The following STAB2 variants were observed in gnomAD, a reference collection of about 807,000 sequenced individuals.
The protein encoded by STAB2 is stabilin 2, also known as stabilin-2.
In STAB2, 288 loss-of-function variants were observed where a neutral mutation model predicts 338.1. The ratio of observed to expected loss-of-function variants is 0.85; its 90% confidence interval spans 0.77 to 0.94. The LOEUF (loss-of-function observed/expected upper bound fraction) is 0.94, where lower values mean the gene tolerates loss of function less well. Ranked by LOEUF, STAB2 falls within the 40% of genes least tolerant of loss-of-function variation. The pLI, the probability that STAB2 is intolerant of heterozygous loss-of-function variation, is 0.00. For missense variants in STAB2, 3,141 were observed against 3,210.1 expected, an observed-to-expected ratio of 0.98 and a Z score of 0.52; for synonymous variants, 1,202 against 1,193.3, an observed-to-expected ratio of 1.01 and a Z score of -0.15.
intron 2 of STAB2, 86 bp from the exon 3 acceptor site, chr12:103,594,309 C>A (rs1418137529): frequency 8.0e-6 from 8 of 1,001,314 alleles, no homozygotes; most frequent in Non-Finnish European, 1.2e-5. Context: ...ATATTAAGAC[C>A]TAAATTGAAA....
chr12:103,590,099 C>T (rs928569516), intron 1 of STAB2, among the ~76,000 whole-genome samples: 13 of 152,020 alleles, frequency 8.6e-5, no homozygotes, highest in African/African-American at 2.9e-4. Flanking sequence ...AGGCATCTCT[C>T]GGGGAGGATC....
At chr12:103,637,910 A>C in intron 7 of STAB2, 106 bp from the exon 8 acceptor site, 1 of 1,163,700 alleles carries the variant, frequency 8.6e-7, no homozygotes, top group Non-Finnish European at 1.2e-6. Context: ...TGTCTTTGAA[A>C]ACTGTGAGTT....
intron 67 of STAB2, 131 bp downstream of exon 67, chr12:103,762,533 C>T (rs1358254424): frequency 2.3e-5 from 32 of 1,387,658 alleles, no homozygotes; most frequent in Admixed American, 1.8e-4. Context: ...GTAGCAGGGG[C>T]GGCCACCCAC....
chr12:103,625,723 A>C (rs996349870), intron 5 of STAB2, among the ~76,000 whole-genome samples: 1 of 152,188 alleles, frequency 6.6e-6, no homozygotes, highest in Non-Finnish European at 1.5e-5. Flanking sequence ...ATTCCATGGT[A>C]TATATGTGCC....
At chr12:103,690,398 A>G in intron 29 of STAB2, 26 bp from the exon 30 acceptor site, 2 of 1,566,520 alleles carry the variant, frequency 1.3e-6, no homozygotes, top group South Asian at 1.1e-5. Flanking sequence ...ATATTGAATT[A>G]TAGCCTTTGT....
In STAB2 at chr12:103,673,991, C is replaced by T; in HGVS notation, c.2456C>T (p.Ala819Val). 1 of 1,614,088 alleles carries T rather than the reference C, an allele frequency of 6.2e-7. No homozygotes were observed. The highest frequency in any genetic ancestry group is 1.1e-5 in the South Asian group (1 of 91,084). ...CLTGTCRDGS[A>V]GRLCDKQTSA... ...ACTGGCACATGCAGAGACGGCTCTG[C>T]CGGGAGACTCTGTGATAAGCAGACC... Residue 819 changes from alanine (A) to valine (V), a missense_variant, in exon 23 of 69, where the codon GCC becomes GTC. Ala to Val is a moderately conservative substitution (Grantham distance 64). Transcript: ENST00000388887.
rs1425891346 is a variant in STAB2, at chr12:103,726,164, G to A, written c.4851+1G>A. The A allele has an allele frequency of 3.1e-6, 5 of 1,613,870 alleles. No individual in the cohort carries two copies. The South Asian group carries it at 5.5e-5, about 18-fold the overall frequency. On this transcript the variant is annotated splice_donor_variant, in intron 46 of 68. Coordinates refer to ENST00000388887, the MANE Select transcript of STAB2 (RefSeq NM_017564.10). LOFTEE classifies it high-confidence loss of function. ...TTCCCAGTATTTCTTCCAGTTGCAG[G>A]TAGGAAATATACATGTCTGTCTAGC...
intron 44 of STAB2, among the ~76,000 whole-genome samples, chr12:103,721,641 A>G (rs1438333104): frequency 6.6e-6 from 1 of 152,220 alleles, no homozygotes; most frequent in Non-Finnish European, 1.5e-5. Flanking sequence ...AATGATGCTG[A>G]CCAAGAAAGA....
chr12:103,606,498 C>T (rs1343906498), intron 3 of STAB2, among the ~76,000 whole-genome samples: 5 of 151,978 alleles, frequency 3.3e-5, no homozygotes, highest in African/African-American at 1.2e-4. Flanking sequence ...TCTTCCTGAC[C>T]AATTTTCTTT....
chr12:103,690,016 T>G, intron 29 of STAB2, 34 bp downstream of exon 29: 1 of 1,603,734 alleles, frequency 6.2e-7, no homozygotes, highest in Non-Finnish European at 8.5e-7. Context: ...ACATCGTATC[T>G]GAATGGCATC....
At chr12:103,720,191 G>A (rs563024306) in intron 44 of STAB2, among the ~76,000 whole-genome samples, 22 of 152,270 alleles carry the variant, frequency 1.4e-4, no homozygotes, top group Admixed American at 5.9e-4. Flanking sequence ...AATTTTCACA[G>A]CAATTCTTCC....
intron 3 of STAB2, 30 bp downstream of exon 3, chr12:103,594,540 CT>C (rs780435875): frequency 6.6e-7 from 1 of 1,523,740 alleles, no homozygotes; most frequent in Admixed American, 1.7e-5. Context: ...GACTTTGAGA[CT>C]TGCTTCTTGG....
intron 20 of STAB2, chr12:103,669,196 T>C (rs1398875478): frequency 1.1e-5 from 3 of 281,434 alleles, no homozygotes; most frequent in African/African-American, 2.2e-5. Flanking sequence ...TAATACTTTG[T>C]TTTCCCAGCA....
At chr12:103,674,224 G>A in intron 23 of STAB2, 137 bp downstream of exon 23, 1 of 1,027,602 alleles carries the variant, frequency 9.7e-7, no homozygotes, top group Non-Finnish European at 1.4e-6. Flanking sequence ...ATCTCCAGCT[G>A]ACAGTGTGGT....
chr12:103,712,777 G>A (rs1879984735), intron 41 of STAB2, among the ~76,000 whole-genome samples: 1 of 152,106 alleles, frequency 6.6e-6, no homozygotes, highest in Admixed American at 6.5e-5. Context: ...GTCCAATTAT[G>A]TGTCCATTAA....
chr12:103,705,527 C>A, intron 36 of STAB2, 105 bp from the exon 37 acceptor site: 1 of 863,672 alleles, frequency 1.2e-6, no homozygotes, highest in Admixed American at 2.2e-5. Context: ...CTTCCCACAA[C>A]ACTTTAGTCA....
chr12:103,656,408 G>T (rs1400785745), intron 15 of STAB2, among the ~76,000 whole-genome samples: 1 of 152,208 alleles, frequency 6.6e-6, no homozygotes. Flanking sequence ...CCAAAGTGTA[G>T]TGTAGACAGA....
chr12:103,587,627 C>T (rs1183605287), intron 1 of STAB2, 70 bp downstream of exon 1: 1 of 1,342,604 alleles, frequency 7.4e-7, no homozygotes, highest in East Asian at 2.4e-5. Context: ...TGTCGTTTTC[C>T]TCTGTTGTTA....
intron 6 of STAB2, among the ~76,000 whole-genome samples, chr12:103,632,196 A>C (rs1036461548): frequency 1.3e-5 from 2 of 152,250 alleles, no homozygotes; most frequent in East Asian, 3.8e-4. Context: ...GAAATTCTGA[A>C]AACAATCTAT....
Sources: gnomAD v4.1 joint callset for allele counts (sites outside exome capture counted in the v4.1 genomes callset) on GRCh38, gnomAD v4.1.1 for gene constraint, MANE v1.5 for transcripts, NCBI Gene and HGNC (gene_info 2026-07-23, HGNC 2026-07-21) for gene names.